CACNA2D3: variants seen among roughly 807,000 people sequenced by gnomAD.
The protein encoded by CACNA2D3 is calcium voltage-gated channel auxiliary subunit alpha2delta 3, also known as voltage-dependent calcium channel subunit alpha-2/delta-3.
In CACNA2D3, 60 loss-of-function variants were observed where a neutral mutation model predicts 160.6. The ratio of observed to expected loss-of-function variants is 0.37; its 90% confidence interval spans 0.30 to 0.46. CACNA2D3 has a LOEUF of 0.46. Among genes scored for constraint, CACNA2D3 ranks in the 20% least tolerant of loss-of-function variants. The pLI, the probability that CACNA2D3 is intolerant of heterozygous loss-of-function variation, is 1.00. For missense variants in CACNA2D3, 1,205 were observed against 1,365.0 expected (o/e 0.88, Z 1.85); for synonymous variants, 558 against 492.9 (o/e 1.13, Z -1.75).
At chr3:54,464,803 C>T (rs1217677009) in intron 4 of CACNA2D3, among the ~76,000 whole-genome samples, 1 of 152,216 alleles carries the variant, frequency 6.6e-6, no homozygotes, top group African/African-American at 2.4e-5. Context: ...CACTGTCTGG[C>T]ACTCCCTAGT....
intron 5 of CACNA2D3, among the ~76,000 whole-genome samples, chr3:54,541,087 C>T (rs953677939): frequency 6.6e-6 from 1 of 151,856 alleles, no homozygotes. Flanking sequence ...ACCATCCTGG[C>T]TAACATGGTG....
At chr3:54,213,476 C>T (rs1008015295) in intron 2 of CACNA2D3, among the ~76,000 whole-genome samples, 2 of 152,194 alleles carry the variant, frequency 1.3e-5, no homozygotes, top group African/African-American at 2.4e-5. Context: ...TGCGGCTCAT[C>T]GTCCTTTACT....
intron 11 of CACNA2D3, among the ~76,000 whole-genome samples, chr3:54,687,327 A>G (rs1293671516): frequency 9.1e-6 from 1 of 110,168 alleles, no homozygotes; most frequent in African/African-American, 3.6e-5. Flanking sequence ...TTTTTTTTGT[A>G]CCTTTAATGG....
intron 2 of CACNA2D3, among the ~76,000 whole-genome samples, chr3:54,174,316 C>T (rs887677716): frequency 1.3e-5 from 2 of 152,168 alleles, no homozygotes; most frequent in African/African-American, 4.8e-5. Flanking sequence ...TACAGACTCC[C>T]CCTTCAGTCC....
intron 3 of CACNA2D3, among the ~76,000 whole-genome samples, chr3:54,338,718 T>C (rs972095464): frequency 2.6e-5 from 4 of 152,146 alleles, no homozygotes; most frequent in Non-Finnish European, 2.9e-5. Flanking sequence ...ACTCTGCCTC[T>C]TGATCGCTTT....
At chr3:54,784,914 C>T (rs1219406761) in intron 13 of CACNA2D3, among the ~76,000 whole-genome samples, 6 of 152,142 alleles carry the variant, frequency 3.9e-5, no homozygotes, top group Admixed American at 2.6e-4. Context: ...ACAAAGGCCT[C>T]CAAGAGTGGT....
At chr3:54,386,592 AG>A in intron 3 of CACNA2D3, 122 bp from the exon 4 acceptor site, 1 of 777,518 alleles carries the variant, frequency 1.3e-6, no homozygotes, top group Non-Finnish European at 2.0e-6. Context: ...ATGGGAGCAA[AG>A]GCATCAGATC....
Position 54,590,597 on chromosome 3 carries a change from CTTA to C in CACNA2D3, c.963+8741_963+8743del, listed in dbSNP as rs35084465. On this transcript the variant is annotated intron_variant, in intron 9 of 37. Coordinates refer to ENST00000474759, the MANE Select transcript of CACNA2D3 (RefSeq NM_018398.3). ...CAGGTAAAGAATGTGTGGCATTTCT[CTTA>C]TTATTATTATTATTATTATTTTATT... Among the ~76,000 whole-genome samples, 205 of 149,236 alleles carry C rather than the reference CTTA, an allele frequency of 1.4e-3. No homozygotes were observed. In the Middle Eastern group the frequency reaches 0.014, roughly 10 times the overall value.
At chr3:55,031,030 A>T (rs1476917451) in intron 35 of CACNA2D3, among the ~76,000 whole-genome samples, 1 of 152,158 alleles carries the variant, frequency 6.6e-6, no homozygotes, top group Non-Finnish European at 1.5e-5. Flanking sequence ...AGCACATGGA[A>T]GTTTGTCTGG....
chr3:54,700,781 A>G (rs1300840117), intron 11 of CACNA2D3, among the ~76,000 whole-genome samples: 5 of 152,216 alleles, frequency 3.3e-5, no homozygotes, highest in African/African-American at 1.2e-4. Context: ...GAGTTGCCTC[A>G]TGTAATTGTC....
intron 2 of CACNA2D3, among the ~76,000 whole-genome samples, chr3:54,154,288 A>G (rs762987926): frequency 2.6e-5 from 4 of 152,214 alleles, no homozygotes; most frequent in Non-Finnish European, 5.9e-5. Context: ...TAATCTCAGC[A>G]CTTACATGTA....
chr3:54,378,131 TG>T (rs1699040956), intron 3 of CACNA2D3, among the ~76,000 whole-genome samples: 1 of 152,220 alleles, frequency 6.6e-6, no homozygotes, highest in African/African-American at 2.4e-5. Context: ...CCTTTCATTT[TG>T]GAGAACAAAT....
At chr3:54,819,458 C>T (rs1703535566) in intron 14 of CACNA2D3, among the ~76,000 whole-genome samples, 1 of 152,106 alleles carries the variant, frequency 6.6e-6, no homozygotes, top group Admixed American at 6.5e-5. Context: ...GGGACCTCTG[C>T]CCAATGTTTT....
intron 4 of CACNA2D3, among the ~76,000 whole-genome samples, chr3:54,387,044 A>G (rs374842372): frequency 7.2e-4 from 110 of 152,370 alleles, no homozygotes; most frequent in Middle Eastern, 3.4e-3. Context: ...AAATCGGTCA[A>G]CTGACAATAA....
intron 13 of CACNA2D3, among the ~76,000 whole-genome samples, chr3:54,773,006 T>C (rs898854637): frequency 1.4e-4 from 22 of 152,206 alleles, no homozygotes; most frequent in African/African-American, 5.3e-4. Flanking sequence ...AATGTGACCA[T>C]TTAAAATAAT....
At chr3:54,416,128 A>T (rs1048546771) in intron 4 of CACNA2D3, among the ~76,000 whole-genome samples, 2 of 152,216 alleles carry the variant, frequency 1.3e-5, no homozygotes, top group African/African-American at 4.8e-5. Context: ...AATTGGATCT[A>T]TTCTCCACAT....
At chr3:55,059,180 G>A (rs1296613806) in intron 35 of CACNA2D3, among the ~76,000 whole-genome samples, 1 of 152,120 alleles carries the variant, frequency 6.6e-6, no homozygotes, top group Non-Finnish European at 1.5e-5. Context: ...GATTCATTCT[G>A]AGGCTATTCT....
chr3:54,806,818 A>G (rs1053338232), intron 13 of CACNA2D3, among the ~76,000 whole-genome samples: 2 of 152,190 alleles, frequency 1.3e-5, no homozygotes. Context: ...ACAAGGCTAC[A>G]GTAACCAAAA....
chr3:54,824,881 G>A (rs913834735), intron 14 of CACNA2D3, among the ~76,000 whole-genome samples: 5 of 152,056 alleles, frequency 3.3e-5, no homozygotes, highest in African/African-American at 1.2e-4. Flanking sequence ...AAGCAGAAAT[G>A]GTTTCTTTTA....
Sources: allele counts gnomAD v4.1 joint callset (sites outside exome capture counted in the v4.1 genomes callset), GRCh38; gene constraint gnomAD v4.1.1; transcripts MANE v1.5; gene names NCBI Gene and HGNC (gene_info 2026-07-23, HGNC 2026-07-21).